Variants in DTHD1 observed in about 807,000 individuals in gnomAD.
DTHD1 encodes the protein death domain containing 1.
DTHD1 carries 59 observed loss-of-function variants against 74.8 expected under a neutral mutation model. The ratio of observed to expected loss-of-function variants is 0.79; its 90% confidence interval spans 0.64 to 0.98. The LOEUF is 0.98. Among genes scored for constraint, DTHD1 ranks in the 50% least tolerant of loss-of-function variants. DTHD1 has a pLI of 0.00. For missense variants in DTHD1, 1,051 were observed against 1,065.4 expected (o/e 0.99, Z 0.19); for synonymous variants, 365 against 371.1 (o/e 0.98, Z 0.19).
chr4:36,306,380 G>T, intron 6 of DTHD1, 28 bp downstream of exon 6: 1 of 1,510,224 alleles, frequency 6.6e-7, no homozygotes, highest in Non-Finnish European at 8.9e-7. Flanking sequence ...AATCAAAGTT[G>T]ATGATACTCT....
chr4:36,312,200 T>A (rs1373146470), intron 7 of DTHD1, among the ~76,000 whole-genome samples: 1 of 151,730 alleles, frequency 6.6e-6, no homozygotes, highest in Non-Finnish European at 1.5e-5. Flanking sequence ...TGTTTTAATA[T>A]GATTTTATAT....
chr4:36,311,835 A>T (rs1553969132), intron 7 of DTHD1: 1 of 152,212 alleles, frequency 6.6e-6, no homozygotes, highest in Non-Finnish European at 1.5e-5. Context: ...AGAAATGAAG[A>T]CCAAAGTTTA....
intron 5 of DTHD1, among the ~76,000 whole-genome samples, chr4:36,300,336 T>C (rs879122121): frequency 6.6e-6 from 1 of 152,352 alleles, no homozygotes; most frequent in Admixed American, 6.5e-5. Context: ...CAAGTTCACC[T>C]TTCCCACATG....
intron 7 of DTHD1, among the ~76,000 whole-genome samples, chr4:36,313,574 T>C (rs1199766006): frequency 6.6e-6 from 1 of 152,246 alleles, no homozygotes; most frequent in East Asian, 1.9e-4. Flanking sequence ...GGTTTCTGTT[T>C]ACAACATGAA....
At chr4:36,305,900 G>A (rs1757019782) in intron 5 of DTHD1, among the ~76,000 whole-genome samples, 1 of 152,152 alleles carries the variant, frequency 6.6e-6, no homozygotes, top group Non-Finnish European at 1.5e-5. Flanking sequence ...TTTTCACTTT[G>A]CAAGCTTCCC....
chr4:36,319,443 C>T (rs1475122735), intron 8 of DTHD1, among the ~76,000 whole-genome samples: 1 of 152,214 alleles, frequency 6.6e-6, no homozygotes, highest in Admixed American at 6.5e-5. Context: ...TGTGGATCAG[C>T]ATGAAGATGT....
At chr4:36,289,620 A>G (rs1755933446) in intron 2 of DTHD1, among the ~76,000 whole-genome samples, 1 of 152,156 alleles carries the variant, frequency 6.6e-6, no homozygotes, top group Non-Finnish European at 1.5e-5. Context: ...AAAACTACTT[A>G]ATAGAAAGCA....
rs1476150905 is a variant in DTHD1 at position 36,293,534 on chromosome 4, T to C, written c.1227T>C (p.Cys409=). The change falls in exon 4 of 10, where the codon TGT becomes TGC. Residue 409 remains cysteine, a synonymous_variant. Transcript: ENST00000639862. The part of the protein sequence containing the change: ...EGMKGGYKGT[C]ASVKVYKLGI... ...TTCTTTATTCTATACAGGGGACCTG[T>C]GCTTCAGTAAAAGTTTACAAATTGG... 1.3e-6 allele frequency: 2 copies of C among 1,540,602 alleles called. No individual in the cohort carries two copies. Among genetic ancestry groups the C allele is most frequent in the Admixed American group, 2.0e-5 (1 of 50,194 alleles).
At position 36,344,129 on chromosome 4, in the gene DTHD1, G is replaced by A. The variant is rs577380517; in HGVS notation, c.*305G>A. 3.5e-6 allele frequency: 1 copy of A among 286,728 alleles called. No homozygotes were observed. The highest frequency in any genetic ancestry group is 2.1e-5 in the African/African-American group (1 of 46,700). 17.8% of individuals were successfully genotyped at this position (286,728 alleles called of 1,614,324 possible). On this transcript the variant is annotated 3_prime_UTR_variant, in exon 10 of 10. Transcript: ENST00000639862. Reference sequence around the variant, plus strand: ...TCACATTTTAAAAGCTAAGTGTGAAGAAAAGATCTGATATATGTAATTACT... The same window carrying A: ...TCACATTTTAAAAGCTAAGTGTGAAAAAAAGATCTGATATATGTAATTACT...
chr4:36,324,670 A>C (rs1455073310), intron 8 of DTHD1, among the ~76,000 whole-genome samples: 2 of 152,334 alleles, frequency 1.3e-5, no homozygotes, highest in Non-Finnish European at 2.9e-5. Context: ...TGATAATAAT[A>C]ATAGTAGAAG....
chr4:36,338,224 CT>C (rs1347194226), intron 8 of DTHD1, among the ~76,000 whole-genome samples: 1 of 152,116 alleles, frequency 6.6e-6, no homozygotes, highest in Admixed American at 6.6e-5. Context: ...AATACATAAC[CT>C]TTTGAGACTA....
chr4:36,334,136 TA>T (rs899619779), intron 8 of DTHD1, among the ~76,000 whole-genome samples: 8 of 152,322 alleles, frequency 5.3e-5, no homozygotes, highest in Admixed American at 5.2e-4. Flanking sequence ...GATATATTTA[TA>T]GGGGTGCTAG....
intron 8 of DTHD1, among the ~76,000 whole-genome samples, chr4:36,331,694 G>A (rs1758680606): frequency 6.6e-6 from 1 of 152,098 alleles, no homozygotes; most frequent in African/African-American, 2.4e-5. Context: ...ATGCATAAGT[G>A]CTCTAGGGTA....
chr4:36,336,912 AC>A (rs1759039630), intron 8 of DTHD1, among the ~76,000 whole-genome samples: 1 of 152,210 alleles, frequency 6.6e-6, no homozygotes, highest in African/African-American at 2.4e-5. Context: ...CTAAATAAGA[AC>A]CAGAGAAGGG....
chr4:36,293,542 TAAAAGTTTACAAATTG>T lies in DTHD1; in HGVS notation c.1236_1251del (p.Lys413ValfsTer9). The T allele has an allele frequency of 6.5e-7, 1 of 1,544,540 alleles. No homozygotes were observed. On this transcript the variant is annotated frameshift_variant, in exon 4 of 10. Coordinates refer to ENST00000639862, the MANE Select transcript of DTHD1 (RefSeq NM_001170700.3). LOFTEE classifies it high-confidence loss of function. ...TCTATACAGGGGACCTGTGCTTCAG[TAAAAGTTTACAAATTG>T]GGTATCTTTTCTGTTGTGTCTTGTT... is the stretch of plus-strand genomic sequence containing the variant.
intron 5 of DTHD1, among the ~76,000 whole-genome samples, chr4:36,297,937 CGTGT>C (rs34885963): frequency 3.4e-5 from 5 of 148,916 alleles, no homozygotes; most frequent in East Asian, 2.0e-4. Context: ...TGTGTGTGCA[CGTGT>C]GTGTGTGTGT....
chr4:36,305,226 C>T (rs1025998808), intron 5 of DTHD1, among the ~76,000 whole-genome samples: 1 of 152,122 alleles, frequency 6.6e-6, no homozygotes, highest in Non-Finnish European at 1.5e-5. Flanking sequence ...GATGTTGGTA[C>T]TTGTATTAGT....
rs1227165691 is a variant in DTHD1, at chr4:36,326,578, A to C, written c.2340+10092A>C. Reference sequence around the variant, plus strand: ...ACTCTACTGTCTGCTTTTGAGACTGAGTTCCTCAGGGTTGAGAGCACTGCT... The same window carrying C: ...ACTCTACTGTCTGCTTTTGAGACTGCGTTCCTCAGGGTTGAGAGCACTGCT... On this transcript the variant is annotated intron_variant, in intron 8 of 9. Coordinates refer to ENST00000639862, the MANE Select transcript of DTHD1 (RefSeq NM_001170700.3). 2.0e-5 allele frequency among the ~76,000 whole-genome samples: 3 copies of C among 152,218 alleles called. No individual in the cohort carries two copies. In the East Asian group the frequency reaches 5.8e-4, roughly 29 times the overall value.
chr4:36,337,520 A>C (rs13133198), intron 8 of DTHD1, among the ~76,000 whole-genome samples: 32,912 of 152,170 alleles, frequency 0.22, 4,247 homozygotes, highest in Non-Finnish European at 0.29. Flanking sequence ...GAATGATAGA[A>C]TCTGCTGCAT....
Sources: allele counts gnomAD v4.1 joint callset (sites outside exome capture counted in the v4.1 genomes callset), GRCh38; gene constraint gnomAD v4.1.1; transcripts MANE v1.5; gene names NCBI Gene and HGNC (gene_info 2026-07-23, HGNC 2026-07-21).